Variants in CNTN5 observed in about 807,000 individuals in gnomAD.
CNTN5 encodes the protein contactin 5.
CNTN5 carries 77 observed loss-of-function variants against 129.1 expected under a neutral mutation model. The ratio of observed to expected loss-of-function variants is 0.60; its 90% CI spans 0.50 to 0.72. The LOEUF is 0.72. CNTN5 is among the 30% of genes least tolerant of loss of function. The pLI, the probability that CNTN5 is intolerant of heterozygous loss-of-function variation, is 0.00. For synonymous variants in CNTN5, 509 were observed against 465.6 expected (o/e 1.09, Z -1.20); for missense variants, 1,478 against 1,328.8 (o/e 1.11, Z -1.75).
At chr11:99,202,705 A>G (rs1332426295) in intron 1 of CNTN5, among the ~76,000 whole-genome samples, 1 of 151,656 alleles carries the variant, frequency 6.6e-6, no homozygotes, top group Non-Finnish European at 1.5e-5. Context: ...AACACAGTCC[A>G]AAAACAAAAA....
Position 100,308,706 on chromosome 11 carries a change from T to C in CNTN5, c.2730+238T>C, listed in dbSNP as rs1951408972. The C allele has an allele frequency of 6.4e-6, 7 of 1,099,292 alleles. No homozygotes were observed. The South Asian group carries it at 2.5e-4, about 39-fold the overall frequency. 68.1% of individuals were successfully genotyped at this position (1,099,292 alleles called of 1,614,324 possible). A position where few individuals can be genotyped will look rare whatever the true frequency, so the allele number is the denominator to read the frequency against. Reference sequence around the variant, plus strand: ...GCAAAGATGTTTTTAAAAGATGAAATAGAGTTTTAGACAAAAGCAGGAGCT... The same window carrying C: ...GCAAAGATGTTTTTAAAAGATGAAACAGAGTTTTAGACAAAAGCAGGAGCT... On this transcript the variant is annotated intron_variant, in intron 21 of 24. Coordinates refer to ENST00000524871, the MANE Select transcript of CNTN5 (RefSeq NM_014361.4).
chr11:100,331,355 GA>G (rs1300192418), intron 21 of CNTN5, among the ~76,000 whole-genome samples: 1 of 151,888 alleles, frequency 6.6e-6, no homozygotes, highest in Admixed American at 6.6e-5. Context: ...TAGACCTAAG[GA>G]ATGAGATACA....
intron 2 of CNTN5, among the ~76,000 whole-genome samples, chr11:99,375,994 A>C (rs575355797): frequency 2.0e-5 from 3 of 152,256 alleles, no homozygotes; most frequent in Non-Finnish European, 4.4e-5. Flanking sequence ...TTGAGTTGGA[A>C]AAAAATAACA....
chr11:99,022,348 A>G (rs1035540435), intron 1 of CNTN5, among the ~76,000 whole-genome samples: 1 of 152,184 alleles, frequency 6.6e-6, no homozygotes, highest in African/African-American at 2.4e-5. Flanking sequence ...TTACAGAAGT[A>G]CTTATGACCA....
chr11:100,224,618 A>G, intron 15 of CNTN5, 74 bp from the exon 16 acceptor site: 2 of 1,475,076 alleles, frequency 1.4e-6, no homozygotes, highest in South Asian at 1.4e-5. Flanking sequence ...CTGAATATGC[A>G]AAGTTCCCCC....
intron 1 of CNTN5, among the ~76,000 whole-genome samples, chr11:99,319,897 T>C (rs889496397): frequency 2.0e-5 from 3 of 152,036 alleles, no homozygotes; most frequent in African/African-American, 7.2e-5. Flanking sequence ...ACCTGAGATA[T>C]ATACAGAGGT....
chr11:99,530,255 T>C (rs1241434878), intron 2 of CNTN5, among the ~76,000 whole-genome samples: 1 of 152,228 alleles, frequency 6.6e-6, no homozygotes, highest in Admixed American at 6.5e-5. Context: ...AAATATTAAA[T>C]GCATTCTTAA....
chr11:99,318,482 A>C (rs1320685472), intron 1 of CNTN5, among the ~76,000 whole-genome samples: 1 of 152,216 alleles, frequency 6.6e-6, no homozygotes, highest in Non-Finnish European at 1.5e-5. Context: ...TGAAGAAATA[A>C]AGATAAATTG....
chr11:99,705,970 G>C (rs749547405), intron 3 of CNTN5, among the ~76,000 whole-genome samples: 6 of 151,358 alleles, frequency 4.0e-5, no homozygotes, highest in Non-Finnish European at 8.9e-5. Context: ...ACCATCACCA[G>C]GGTGGAGAGA....
chr11:99,424,742 T>G (rs1258137594), intron 2 of CNTN5, among the ~76,000 whole-genome samples: 4 of 152,236 alleles, frequency 2.6e-5, no homozygotes, highest in Admixed American at 2.0e-4. Flanking sequence ...GCTCTTCTCT[T>G]ATTTTCATCG....
intron 13 of CNTN5, among the ~76,000 whole-genome samples, chr11:100,187,651 G>C (rs990714140): frequency 9.2e-5 from 14 of 151,992 alleles, no homozygotes; most frequent in Non-Finnish European, 1.6e-4. Flanking sequence ...CACACCTACA[G>C]TCATCTTACC....
chr11:99,478,121 T>C (rs530775032), intron 2 of CNTN5, among the ~76,000 whole-genome samples: 74 of 152,230 alleles, frequency 4.9e-4, no homozygotes, highest in South Asian at 1.7e-3. Flanking sequence ...CTTAAAACAA[T>C]GCATATTTAT....
At chr11:100,063,039 T>C (rs1255443964) in intron 10 of CNTN5, among the ~76,000 whole-genome samples, 1 of 152,094 alleles carries the variant, frequency 6.6e-6, no homozygotes, top group Non-Finnish European at 1.5e-5. Context: ...TCACAAATAA[T>C]GTAAAGCATG....
intron 8 of CNTN5, among the ~76,000 whole-genome samples, chr11:100,001,087 T>G (rs757796396): frequency 4.6e-5 from 7 of 152,194 alleles, no homozygotes; most frequent in Non-Finnish European, 1.0e-4. Context: ...TCTTCACTAT[T>G]AACACTCAGC....
intron 3 of CNTN5, among the ~76,000 whole-genome samples, chr11:99,730,380 G>A (rs1305833308): frequency 6.6e-6 from 1 of 152,240 alleles, no homozygotes; most frequent in East Asian, 1.9e-4. Context: ...AAGAGAAGAC[G>A]GAGAGAATAC....
intron 24 of CNTN5, among the ~76,000 whole-genome samples, chr11:100,355,407 G>T (rs188578986): frequency 6.6e-6 from 1 of 151,712 alleles, no homozygotes; most frequent in Admixed American, 6.6e-5. Flanking sequence ...CCTTCTGAAG[G>T]ACATGCCTGA....
intron 2 of CNTN5, among the ~76,000 whole-genome samples, chr11:99,472,240 G>C (rs925120824): frequency 6.6e-6 from 1 of 152,094 alleles, no homozygotes; most frequent in Admixed American, 6.6e-5. Context: ...TAAAATTATG[G>C]CTGGCTCATC....
At chr11:100,175,138 G>A (rs1202915451) in intron 13 of CNTN5, among the ~76,000 whole-genome samples, 8 of 152,100 alleles carry the variant, frequency 5.3e-5, no homozygotes, top group Admixed American at 2.6e-4. Flanking sequence ...CTGCTACTAA[G>A]CATGTGATCT....
At chr11:99,294,033 C>A (rs1010559420) in intron 1 of CNTN5, among the ~76,000 whole-genome samples, 7 of 151,384 alleles carry the variant, frequency 4.6e-5, no homozygotes, top group African/African-American at 1.7e-4. Flanking sequence ...TTTTTTTATA[C>A]TGTAAGCATT....
Sources: allele counts gnomAD v4.1 joint callset (sites outside exome capture counted in the v4.1 genomes callset), GRCh38; gene constraint gnomAD v4.1.1; transcripts MANE v1.5; gene names NCBI Gene and HGNC (gene_info 2026-07-23, HGNC 2026-07-21).